ANKRD26: variants seen among roughly 807,000 people sequenced by gnomAD.
ANKRD26 encodes ankyrin repeat domain-containing protein 26.
In ANKRD26, 141 loss-of-function variants were observed where a neutral mutation model predicts 208.7. The ratio of observed to expected loss-of-function variants is 0.68; its 90% CI spans 0.59 to 0.78. ANKRD26 has a LOEUF of 0.78. Ranked by LOEUF, ANKRD26 falls within the 30% of genes least tolerant of loss-of-function variation. The pLI, the probability that ANKRD26 is intolerant of heterozygous loss-of-function variation, is 0.00. For missense variants in ANKRD26, 1,889 were observed against 1,938.7 expected, an observed-to-expected ratio of 0.97 and a Z score of 0.48; for synonymous variants, 636 against 660.4, an observed-to-expected ratio of 0.96 and a Z score of 0.57.
intron 13 of ANKRD26, 63 bp from the exon 14 acceptor site, chr10:27,060,603 C>T: frequency 8.2e-7 from 1 of 1,213,340 alleles, no homozygotes; most frequent in Non-Finnish European, 1.2e-6. Flanking sequence ...ATCATAAATT[C>T]ATGCAGTGTT....
chr10:26,949,662 G>A, the ANKRD26 span, among the ~76,000 whole-genome samples: 8 of 151,960 alleles, frequency 5.3e-5, no homozygotes, highest in African/African-American at 1.5e-4. Flanking sequence ...CTGCCACCAC[G>A]CCTGGCTAAT....
Position 27,067,288 on chromosome 10 carries a change from T to C in ANKRD26, c.1078-2A>G. On this transcript the variant is annotated splice_acceptor_variant, in intron 9 of 33. Coordinates refer to ENST00000376087, the MANE Select transcript of ANKRD26 (RefSeq NM_014915.3). LOFTEE classifies it high-confidence loss of function. ...AATGCCTGGCTTTGTTGGTTCTTCC[T>C]ATTAAAAACAAAAACAAACAAACAA... 4.3e-6 allele frequency: 7 copies of C among 1,612,408 alleles called. No homozygotes were observed. Among genetic ancestry groups the C allele is most frequent in the Non-Finnish European group, 5.9e-6 (7 of 1,179,694 alleles).
downstream of ANKRD26, among the ~76,000 whole-genome samples, chr10:27,000,720 T>C (rs1421238088): frequency 1.3e-5 from 2 of 152,104 alleles, no homozygotes; most frequent in African/African-American, 4.8e-5. Context: ...CAAGACAGAA[T>C]AGGCCAGGCA....
chr10:27,059,918 A>G (rs1446701450), intron 15 of ANKRD26, among the ~76,000 whole-genome samples: 5 of 113,474 alleles, frequency 4.4e-5, no homozygotes, highest in African/African-American at 1.4e-4. Flanking sequence ...AAAAACAAAA[A>G]GCCGGGCATG....
intron 19 of ANKRD26, 55 bp from the exon 20 acceptor site, chr10:27,043,622 C>T (rs935884872): frequency 4.6e-6 from 7 of 1,531,120 alleles, no homozygotes; most frequent in Middle Eastern, 2.1e-4. Flanking sequence ...ATAGCACATA[C>T]AGAAGTGGTA....
At chr10:27,042,358 C>T (rs1479874035) in intron 20 of ANKRD26, among the ~76,000 whole-genome samples, 3 of 152,006 alleles carry the variant, frequency 2.0e-5, no homozygotes, top group South Asian at 4.2e-4. Flanking sequence ...GGCTCACGCC[C>T]GAAATCCCAG....
chr10:27,100,370 G>T lies in ANKRD26; in HGVS notation c.-44C>A. The T allele has an allele frequency of 6.2e-7, 1 of 1,600,702 alleles. No individual in the cohort carries two copies. On this transcript the variant is annotated 5_prime_UTR_variant, in exon 1 of 34. Transcript: ENST00000376087. ...TCAGAGACACCTCATGTCTCTCTCG[G>T]CTCTTAACGGCCTCCGGAGCCCAAC...
At chr10:26,998,891 G>A (rs79497768) in intron 4 of ANKRD26, among the ~76,000 whole-genome samples, 7,100 of 152,214 alleles carry the variant, frequency 0.047, 297 homozygotes, top group Admixed American at 0.12. Context: ...AATGGAGCAC[G>A]CAGGAGGAGG....
At chr10:27,061,571 T>TC (rs1387412032) in intron 12 of ANKRD26, among the ~76,000 whole-genome samples, 1 of 150,830 alleles carries the variant, frequency 6.6e-6, no homozygotes, top group Non-Finnish European at 1.5e-5. Flanking sequence ...TTTTTTTTTT[T>TC]TTTTTTGATA....
chr10:26,979,019 G>A (rs571039336), intron 5 of ANKRD26, among the ~76,000 whole-genome samples: 4 of 152,222 alleles, frequency 2.6e-5, no homozygotes, highest in South Asian at 2.1e-4. Flanking sequence ...TCAGTAGATC[G>A]AGACCATCTT....
intron 31 of ANKRD26, among the ~76,000 whole-genome samples, chr10:27,013,408 G>A (rs1027492603): frequency 2.0e-5 from 3 of 152,158 alleles, no homozygotes; most frequent in African/African-American, 7.2e-5. Flanking sequence ...AACACCTGCT[G>A]CCTTCTGGAA....
chr10:27,008,356 T>C (rs536872320), intron 32 of ANKRD26, among the ~76,000 whole-genome samples: 1 of 152,230 alleles, frequency 6.6e-6, no homozygotes, highest in Admixed American at 6.5e-5. Flanking sequence ...CAATGAATAA[T>C]GTGACAATAG....
chr10:27,030,252 T>A (rs1208903311), intron 25 of ANKRD26: 1 of 358,164 alleles, frequency 2.8e-6, no homozygotes, highest in African/African-American at 2.2e-5. Context: ...AATACACCCC[T>A]AGTACTTCAC....
At chr10:27,078,938 C>G in intron 7 of ANKRD26, 151 bp downstream of exon 7, 1 of 353,240 alleles carries the variant, frequency 2.8e-6, no homozygotes, top group Non-Finnish European at 5.2e-6. Flanking sequence ...AAGAATTCAA[C>G]TGGCCATATT....
chr10:26,975,402 C>CTTTTTTTTT (rs60226106), exon 6 of ANKRD26, among the ~76,000 whole-genome samples: 25,929 of 88,130 alleles, frequency 0.29, 5,140 homozygotes, highest in Non-Finnish European at 0.37. Flanking sequence ...CTAATTTTTG[C>CTTTTTTTTT]TTTTTTTTTT....
At chr10:27,049,734 G>A (rs1372166457) in intron 16 of ANKRD26, among the ~76,000 whole-genome samples, 1 of 152,122 alleles carries the variant, frequency 6.6e-6, no homozygotes, top group African/African-American at 2.4e-5. Flanking sequence ...AAGATTAAAT[G>A]ATCCATCCAG....
the ANKRD26 span, among the ~76,000 whole-genome samples, chr10:26,965,803 C>T: frequency 6.6e-6 from 1 of 152,028 alleles, no homozygotes; most frequent in Non-Finnish European, 1.5e-5. Flanking sequence ...CAAACAACCT[C>T]ATCAAAAAGT....
chr10:26,973,536 A>T (rs2052179440), downstream of ANKRD26, among the ~76,000 whole-genome samples: 1 of 148,980 alleles, frequency 6.7e-6, no homozygotes, highest in African/African-American at 2.5e-5. Flanking sequence ...ATTTTGTTTT[A>T]TAATTTAACC....
chr10:26,997,943 G>A (rs114148604), intron 4 of ANKRD26, among the ~76,000 whole-genome samples: 8 of 152,232 alleles, frequency 5.3e-5, no homozygotes, highest in African/African-American at 1.9e-4. Context: ...ACTTTCTCTC[G>A]TCTTTTCTCA....
Sources: gnomAD v4.1 joint callset for allele counts (sites outside exome capture counted in the v4.1 genomes callset) on GRCh38, gnomAD v4.1.1 for gene constraint, MANE v1.5 for transcripts, NCBI Gene and HGNC (gene_info 2026-07-23, HGNC 2026-07-21) for gene names.